GMEB1: variants seen among roughly 807,000 people sequenced by gnomAD.
GMEB1 encodes the protein glucocorticoid modulatory element-binding protein 1.
GMEB1 carries 6 observed loss-of-function variants against 52.4 expected under a neutral mutation model. The ratio of observed to expected loss-of-function variants is 0.11; its 90% CI spans 0.06 to 0.23. The LOEUF is 0.23. Ranked by LOEUF, GMEB1 falls within the 10% of genes least tolerant of loss-of-function variation. GMEB1 has a pLI of 1.00. For missense variants in GMEB1, 486 were observed against 685.6 expected, an observed-to-expected ratio of 0.71 and a Z score of 3.25; for synonymous variants, 255 against 244.9, an observed-to-expected ratio of 1.04 and a Z score of -0.38.
intron 1 of GMEB1, among the ~76,000 whole-genome samples, chr1:28,672,177 C>CT (rs879756709): frequency 3.6e-4 from 51 of 143,132 alleles, no homozygotes; most frequent in East Asian, 1.0e-3. Flanking sequence ...CTCATTTTTA[C>CT]TTTTTTTTTT....
chr1:28,683,320 G>T (rs1235736284), intron 1 of GMEB1, among the ~76,000 whole-genome samples: 2 of 151,904 alleles, frequency 1.3e-5, no homozygotes, highest in African/African-American at 4.8e-5. Context: ...CCACCTCCTG[G>T]CTTCAAGCGA....
In GMEB1 at chr1:28,714,415, C is replaced by T; in HGVS notation, c.1334C>T (p.Ala445Val). The change falls in exon 10 of 10, where the codon GCC (alanine) becomes GTC (valine). Residue 445 changes from alanine (A) to valine (V), a missense_variant. Coordinates refer to ENST00000373816, the MANE Select transcript of GMEB1 (RefSeq NM_001319674.2). Reference protein sequence around the residue: ...LFRYATVVSSAKSSSPDTVTI... With the variant: ...LFRYATVVSSVKSSSPDTVTI... ...CGCTATGCCACAGTGGTCTCCTCTG[C>T]CAAGAGCAGCTCACCAGACACAGTG... 1 of 1,614,164 alleles carries T rather than the reference C, an allele frequency of 6.2e-7. No individual in the cohort carries two copies. Among genetic ancestry groups the T allele is most frequent in the Non-Finnish European group, 8.5e-7 (1 of 1,179,988 alleles).
At chr1:28,691,840 A>G (rs1328243169) in intron 4 of GMEB1, 131 bp downstream of exon 4, 9 of 209,400 alleles carry the variant, frequency 4.3e-5, no homozygotes, top group African/African-American at 1.2e-4. Context: ...TTATTTATTT[A>G]TTTATTTATT....
chr1:28,693,030 G>A lies in GMEB1; in HGVS notation c.425G>A (p.Gly142Asp). ...LKDWKRAIRLGGIMLRKMMDS... is the reference protein window; with the variant it reads ...LKDWKRAIRLDGIMLRKMMDS... ...GACTGGAAGAGAGCTATTCGTCTGG[G>A]TGGGATCATGCTCAGGTAAGCTCTA... is the stretch of plus-strand genomic sequence containing the variant. The change falls in exon 5 of 10, where the codon GGT (glycine) becomes GAT (aspartate). Residue 142 changes from glycine to aspartate, a missense_variant. Coordinates refer to ENST00000373816, the MANE Select transcript of GMEB1 (RefSeq NM_001319674.2). 1 of 1,596,488 alleles carries A rather than the reference G, an allele frequency of 6.3e-7. No individual in the cohort carries two copies. Among genetic ancestry groups the A allele is most frequent in the Non-Finnish European group, 8.6e-7 (1 of 1,167,596 alleles).
intron 6 of GMEB1, among the ~76,000 whole-genome samples, chr1:28,698,928 G>C (rs1254251943): frequency 1.3e-5 from 2 of 152,024 alleles, no homozygotes; most frequent in African/African-American, 4.8e-5. Context: ...AGTTTGCAGT[G>C]AGCCGAGATC....
At chr1:28,678,994 T>C (rs1407974219) in intron 1 of GMEB1, among the ~76,000 whole-genome samples, 1 of 152,134 alleles carries the variant, frequency 6.6e-6, no homozygotes, top group Non-Finnish European at 1.5e-5. Context: ...CACTGTAACC[T>C]CTGCCTCCCG....
chr1:28,704,238 G>A lies in GMEB1; in HGVS notation c.777G>A (p.Met259Ile). ...FWKGIADVGL[M>I]EEVVCNIQKE... ...AAGGAATAGCTGATGTAGGGCTGAT[G>A]GAAGAGGTTGTCTGCAATATACAGA... Residue 259 changes from methionine to isoleucine, a missense_variant, in exon 8 of 10, where the codon ATG (methionine) becomes ATA (isoleucine). By Grantham distance (10) the Met-to-Ile change is conservative. Around this residue, in one of 5 missense-constraint regions of GMEB1, gnomAD observed 200 missense variants for 253.5 expected, o/e 0.79. Transcript: ENST00000373816. The A allele has an allele frequency of 6.2e-7, 1 of 1,613,654 alleles. No homozygotes were observed.
intron 6 of GMEB1, among the ~76,000 whole-genome samples, chr1:28,700,983 G>T (rs1055996322): frequency 6.6e-6 from 1 of 151,994 alleles, no homozygotes; most frequent in African/African-American, 2.4e-5. Context: ...TGCAAAACCC[G>T]GGTCTATGAA....
rs546993324 is a variant in GMEB1 at position 28,718,578 on chromosome 1, G to A, written c.*3805G>A. The A allele has an allele frequency of 5.3e-5, 8 of 152,308 alleles. No individual in the cohort carries two copies. The highest frequency in any genetic ancestry group is 2.0e-4 in the Admixed American group (3 of 15,290). The allele number at this position is 152,308 out of a possible 1,614,324, so 9.4% of individuals were successfully genotyped here. Reference sequence around the variant, plus strand: ...ACTTTGCCACTGTACTCTAGCCCAGGTAACAGGGCAACATCCCCAGCTCAG... The same window carrying A: ...ACTTTGCCACTGTACTCTAGCCCAGATAACAGGGCAACATCCCCAGCTCAG... On this transcript the variant is annotated 3_prime_UTR_variant, in exon 10 of 10. Transcript: ENST00000373816.
rs542859104 is a variant in GMEB1, at chr1:28,715,385, T to G, written c.*612T>G. On this transcript the variant is annotated 3_prime_UTR_variant, in exon 10 of 10. Coordinates refer to ENST00000373816, the MANE Select transcript of GMEB1 (RefSeq NM_001319674.2). ...AGGCCGAGGCGGGTGGATCACGAGG[T>G]CAGGAGTTTGAGACCAGCCTGGCCA... is the stretch of plus-strand genomic sequence containing the variant. 6.6e-6 allele frequency: 1 copy of G among 151,252 alleles called. No individual in the cohort carries two copies. The highest frequency in any genetic ancestry group is 1.5e-5 in the Non-Finnish European group (1 of 67,968). 9.4% of individuals were successfully genotyped at this position (151,252 alleles called of 1,614,324 possible). A position where few individuals can be genotyped will look rare whatever the true frequency, so the allele number is the denominator to read the frequency against.
Position 28,673,919 on chromosome 1 carries a change from G to T in GMEB1, c.-31+5080G>T, listed in dbSNP as rs145359800. The stretch of plus-strand genomic sequence containing the variant: ...TCCCAGCACTTTGGGAGGCCGTGGT[G>T]GGTGGATCACGAGGTCAGGAGTTCA... On this transcript the variant is annotated intron_variant, in intron 1 of 9. Transcript: ENST00000373816. 1.7e-3 allele frequency among the ~76,000 whole-genome samples: 258 copies of T among 152,070 alleles called. 3 individuals are homozygous for T. The East Asian group carries it at 0.041, about 24-fold the overall frequency.
intron 9 of GMEB1, among the ~76,000 whole-genome samples, chr1:28,713,024 G>A (rs1671132621): frequency 6.6e-6 from 1 of 151,446 alleles, no homozygotes; most frequent in Non-Finnish European, 1.5e-5. Flanking sequence ...CAGGCGCGGT[G>A]GCGGGCGCCT....
chr1:28,713,804 G>C (rs1302279989), intron 9 of GMEB1, among the ~76,000 whole-genome samples: 2 of 152,152 alleles, frequency 1.3e-5, no homozygotes, highest in Non-Finnish European at 2.9e-5. Flanking sequence ...CAACACTTTG[G>C]GAAGGTGAGG....
chr1:28,679,680 T>C (rs1320992123), intron 1 of GMEB1, among the ~76,000 whole-genome samples: 3 of 152,110 alleles, frequency 2.0e-5, no homozygotes, highest in African/African-American at 2.4e-5. Context: ...TAATATTTGT[T>C]GAACTGGCCA....
At chr1:28,688,714 A>C (rs1669808707) in intron 2 of GMEB1, among the ~76,000 whole-genome samples, 6 of 146,434 alleles carry the variant, frequency 4.1e-5, no homozygotes, top group African/African-American at 1.3e-4. Context: ...ACACCCCCCC[A>C]CCACCCACCA....
Position 28,714,439 on chromosome 1 carries a change from T to C in GMEB1, c.1358T>C (p.Val453Ala). The C allele has an allele frequency of 6.2e-7, 1 of 1,614,208 alleles. No individual in the cohort carries two copies. Among genetic ancestry groups the C allele is most frequent in the Non-Finnish European group, 8.5e-7 (1 of 1,180,032 alleles). The change falls in exon 10 of 10, where the codon GTG (valine) becomes GCG (alanine). Residue 453 changes from valine (V) to alanine (A), a missense_variant. Physicochemically the swap from Val to Ala is moderately conservative, Grantham distance 64 (BLOSUM62 0). This residue lies in a region of GMEB1 where 153 missense variants were observed against 200.8 expected (regional missense o/e 0.76). Coordinates refer to ENST00000373816, the MANE Select transcript of GMEB1 (RefSeq NM_001319674.2). ...SSAKSSSPDT[V>A]TIHPSSSLAL... is the part of the protein sequence containing the mutation. Reference sequence around the variant, plus strand: ...GCCAAGAGCAGCTCACCAGACACAGTGACCATCCACCCTTCATCTAGCTTG... The same window carrying C: ...GCCAAGAGCAGCTCACCAGACACAGCGACCATCCACCCTTCATCTAGCTTG...
At chr1:28,681,505 C>T (rs138703060) in intron 1 of GMEB1, among the ~76,000 whole-genome samples, 1 of 152,230 alleles carries the variant, frequency 6.6e-6, no homozygotes, top group East Asian at 1.9e-4. Flanking sequence ...TATAAAGGTA[C>T]ATTATGCTAT....
At chr1:28,704,389 G>GTGAGTAT in intron 8 of GMEB1, 60 bp downstream of exon 8, 1 of 1,463,370 alleles carries the variant, frequency 6.8e-7, no homozygotes, top group Non-Finnish European at 9.3e-7. Flanking sequence ...CCGTAGGCAG[G>GTGAGTAT]TCCTGTAAGC....
intron 1 of GMEB1, among the ~76,000 whole-genome samples, chr1:28,670,764 C>T (rs1668846925): frequency 6.6e-6 from 1 of 152,154 alleles, no homozygotes; most frequent in Non-Finnish European, 1.5e-5. Flanking sequence ...TGAGCCACTG[C>T]GCCCGGCGGG....
Sources: gnomAD v4.1 joint callset for allele counts (sites outside exome capture counted in the v4.1 genomes callset) on GRCh38, gnomAD v4.1.1 for gene constraint, gnomAD v4.1.1 regional missense constraint, MANE v1.5 for transcripts, NCBI Gene and HGNC (gene_info 2026-07-23, HGNC 2026-07-21) for gene names.